MID1: variants seen among roughly 807,000 people sequenced by gnomAD.
The protein encoded by MID1 is midline 1.
Under a neutral mutation model 40.4 loss-of-function variants are expected in MID1, and 7 were observed. That is an observed-to-expected ratio of 0.17 (90% confidence interval 0.10 to 0.33). MID1 has a LOEUF of 0.33. Among genes scored for constraint, MID1 ranks in the 10% least tolerant of loss-of-function variants. The pLI, the probability that MID1 is intolerant of heterozygous loss-of-function variation, is 1.00. For missense variants in MID1, 367 were observed against 558.5 expected, an observed-to-expected ratio of 0.66 and a Z score of 3.46; for synonymous variants, 229 against 221.2, an observed-to-expected ratio of 1.04 and a Z score of -0.31.
At chrX:10,792,361 G>A (rs1163202799) in intron 1 of MID1, among the ~76,000 whole-genome samples, 6 of 111,545 alleles carry the variant, frequency 5.4e-5, no homozygotes, top group South Asian at 3.8e-4. Context: ...AAAGAAAACC[G>A]TCGATGGTAA....
At chrX:10,513,898 C>T (rs1422838419) in intron 3 of MID1, among the ~76,000 whole-genome samples, 1 of 111,964 alleles carries the variant, frequency 8.9e-6, no homozygotes, top group Admixed American at 9.5e-5. Context: ...TAGTCAATCA[C>T]GCAAGTAAAT....
At chrX:10,795,444 C>T (rs1261058466) in intron 1 of MID1, among the ~76,000 whole-genome samples, 1 of 111,992 alleles carries the variant, frequency 8.9e-6, no homozygotes, top group Non-Finnish European at 1.9e-5. Flanking sequence ...CAGGATTGCT[C>T]TTATAGGACG....
rs574252205 is a variant in MID1, at chrX:10,505,707, G to A, written c.757-10016C>T. ...GAGTGCCAGGAAAGATGGAGGTGAC[G>A]TGTTTAAGGGAAGGGAAGTTATTTC... On this transcript the variant is annotated intron_variant, in intron 3 of 9. Transcript: ENST00000317552. The A allele has an allele frequency of 3.7e-5, 28 of 752,675 alleles. No individual in the cohort carries two copies. The South Asian group carries it at 1.2e-3, about 31-fold the overall frequency. The allele number at this position is 752,675 out of a possible 1,213,427, so 62.0% of individuals were successfully genotyped here.
At chrX:10,641,952 G>A (rs1282294750) in intron 1 of MID1, among the ~76,000 whole-genome samples, 3 of 111,780 alleles carry the variant, frequency 2.7e-5, no homozygotes, top group Non-Finnish European at 5.6e-5. Flanking sequence ...AAAGGCCTTC[G>A]ACAAAATTCA....
At chrX:10,739,986 G>A (rs1454422549) in intron 1 of MID1, among the ~76,000 whole-genome samples, 3 of 112,405 alleles carry the variant, frequency 2.7e-5, no homozygotes, top group Non-Finnish European at 5.6e-5. Context: ...TTGACCTCCT[G>A]TCAGACAGGG....
At chrX:10,707,505 C>T (rs1018712535) in intron 1 of MID1, among the ~76,000 whole-genome samples, 1 of 111,984 alleles carries the variant, frequency 8.9e-6, no homozygotes, top group Non-Finnish European at 1.9e-5. Flanking sequence ...AAATCACTTT[C>T]ATTGCCAAAA....
At chrX:10,718,978 C>A (rs2043326816) in intron 1 of MID1, among the ~76,000 whole-genome samples, 2 of 111,707 alleles carry the variant, frequency 1.8e-5, no homozygotes, top group African/African-American at 6.5e-5. Flanking sequence ...CAGAAAAGGC[C>A]TTTGACAAAA....
intron 7 of MID1, among the ~76,000 whole-genome samples, chrX:10,466,236 T>G (rs1360089636): frequency 8.9e-6 from 1 of 112,268 alleles, no homozygotes; most frequent in Non-Finnish European, 1.9e-5. Context: ...CTTCTTCAAG[T>G]TTGATACAAT....
At chrX:10,523,792 AT>A (rs750820709) in intron 2 of MID1, among the ~76,000 whole-genome samples, 26 of 112,345 alleles carry the variant, frequency 2.3e-4, no homozygotes, top group African/African-American at 8.4e-4. Flanking sequence ...TTGGAAAAAA[AT>A]GGATGACTGC....
intron 1 of MID1, among the ~76,000 whole-genome samples, chrX:10,729,742 T>C (rs1235420239): frequency 8.9e-6 from 1 of 112,258 alleles, no homozygotes; most frequent in Non-Finnish European, 1.9e-5. Context: ...GTAGGACTTC[T>C]TTCATTTCTA....
intron 1 of MID1, among the ~76,000 whole-genome samples, chrX:10,756,518 T>G (rs1226926902): frequency 9.0e-6 from 1 of 110,936 alleles, no homozygotes; most frequent in Non-Finnish European, 1.9e-5. Flanking sequence ...GGAGGACCTT[T>G]GGGAGTCTCC....
intron 1 of MID1, among the ~76,000 whole-genome samples, chrX:10,737,557 T>C (rs1332153791): frequency 1.9e-5 from 2 of 104,499 alleles, no homozygotes; most frequent in Non-Finnish European, 3.9e-5. Flanking sequence ...ATTCACTACA[T>C]AGGATGCAAA....
chrX:10,575,123 C>T (rs1057442194), intron 1 of MID1, among the ~76,000 whole-genome samples: 3 of 112,494 alleles, frequency 2.7e-5, no homozygotes, highest in South Asian at 3.7e-4. Context: ...ATTTCAGAAA[C>T]GAAATCAAGT....
chrX:10,784,956 G>A (rs2043871690), intron 1 of MID1, among the ~76,000 whole-genome samples: 1 of 110,979 alleles, frequency 9.0e-6, no homozygotes, highest in Admixed American at 9.7e-5. Flanking sequence ...ATTCAACATA[G>A]TGTTGGAAGT....
At chrX:10,538,347 G>A (rs1282629839) in intron 2 of MID1, among the ~76,000 whole-genome samples, 1 of 111,142 alleles carries the variant, frequency 9.0e-6, no homozygotes, top group Non-Finnish European at 1.9e-5. Context: ...TTGGGGAGTT[G>A]TTTTTTTAAA....
intron 4 of MID1, among the ~76,000 whole-genome samples, chrX:10,489,001 C>T (rs1194526381): frequency 2.7e-5 from 3 of 110,976 alleles, no homozygotes; most frequent in Non-Finnish European, 3.8e-5. Flanking sequence ...TTAGTTCTGT[C>T]GCTCTAGAGA....
intron 1 of MID1, among the ~76,000 whole-genome samples, chrX:10,806,027 G>A (rs2044043862): frequency 9.4e-6 from 1 of 106,193 alleles, no homozygotes; most frequent in Non-Finnish European, 1.9e-5. Context: ...TAGGTTGCCT[G>A]TTCACTCTGA....
intron 4 of MID1, among the ~76,000 whole-genome samples, chrX:10,486,318 A>G (rs1436962631): frequency 8.9e-6 from 1 of 112,067 alleles, no homozygotes; most frequent in East Asian, 2.8e-4. Flanking sequence ...GATCTCCACA[A>G]TTCTGCCTGG....
intron 2 of MID1, among the ~76,000 whole-genome samples, chrX:10,525,789 T>C (rs1177919939): frequency 1.3e-4 from 14 of 111,965 alleles, no homozygotes; most frequent in Non-Finnish European, 1.9e-5. Flanking sequence ...CAGGTTCCCT[T>C]TGAGTCCAGT....
Sources: allele counts gnomAD v4.1 joint callset (sites outside exome capture counted in the v4.1 genomes callset), GRCh38; gene constraint gnomAD v4.1.1; transcripts MANE v1.5; gene names NCBI Gene and HGNC (gene_info 2026-07-23, HGNC 2026-07-21).